The following CNTNAP2 variants were observed in gnomAD, a reference collection of about 807,000 sequenced individuals.
CNTNAP2 encodes the protein contactin-associated protein-like 2.
CNTNAP2 carries 98 observed loss-of-function variants against 155.2 expected under a neutral mutation model. The ratio of observed to expected loss-of-function variants is 0.63; its 90% CI spans 0.54 to 0.75. CNTNAP2 has a LOEUF of 0.75. Ranked by LOEUF, CNTNAP2 falls within the 30% of genes least tolerant of loss-of-function variation. CNTNAP2 has a pLI of 0.00. For synonymous variants in CNTNAP2, 651 were observed against 631.2 expected (o/e 1.03, Z -0.47); for missense variants, 1,727 against 1,688.1 (o/e 1.02, Z -0.40).
rs375492857 is a variant in CNTNAP2, at chr7:146,116,995, C to G, written c.97+22C>G. ...TCCCGTAAGTAGCCGTCTCCTCGCT[C>G]TGCTCTGGAGCAGTTTCAGTGCGGC... On this transcript the variant is annotated intron_variant, in intron 1 of 23. Transcript: ENST00000361727. The surrounding 1 kb of genome is among the most constrained non-coding windows in gnomAD (Gnocchi z 5.5). 4 of 1,544,528 alleles carry G rather than the reference C, an allele frequency of 2.6e-6. No homozygotes were observed. The highest frequency in any genetic ancestry group is 1.7e-4 in the Middle Eastern group (1 of 6,002).
At chr7:146,926,127 A>T (rs1467040696) in intron 3 of CNTNAP2, among the ~76,000 whole-genome samples, 1 of 152,170 alleles carries the variant, frequency 6.6e-6, no homozygotes, top group Admixed American at 6.6e-5. Flanking sequence ...TTGGATTACA[A>T]TTCTTTAGTT....
intron 13 of CNTNAP2, among the ~76,000 whole-genome samples, chr7:147,809,554 A>G (rs1260205811): frequency 6.6e-6 from 1 of 152,158 alleles, no homozygotes; most frequent in East Asian, 1.9e-4. Context: ...AGCCTTTACT[A>G]TGCATCTCCA....
intron 11 of CNTNAP2, among the ~76,000 whole-genome samples, chr7:147,515,035 C>A (rs1210582868): frequency 1.3e-5 from 2 of 152,104 alleles, no homozygotes; most frequent in Non-Finnish European, 2.9e-5. Flanking sequence ...GCTTCTACTG[C>A]CCTTCCCCTT....
At chr7:146,931,833 C>A (rs1376101765) in intron 3 of CNTNAP2, among the ~76,000 whole-genome samples, 1 of 152,092 alleles carries the variant, frequency 6.6e-6, no homozygotes, top group African/African-American at 2.4e-5. Flanking sequence ...ACTAGAAAAT[C>A]TAGAAGAAAT....
At chr7:146,546,313 G>C (rs543863974) in intron 1 of CNTNAP2, among the ~76,000 whole-genome samples, 2 of 151,928 alleles carry the variant, frequency 1.3e-5, no homozygotes, top group African/African-American at 4.8e-5. Flanking sequence ...GGATTATTGC[G>C]TGTGGCATTC....
intron 1 of CNTNAP2, among the ~76,000 whole-genome samples, chr7:146,455,201 G>T (rs1445189862): frequency 6.6e-6 from 1 of 152,108 alleles, no homozygotes; most frequent in Admixed American, 6.5e-5. Context: ...AATCAATCAT[G>T]GCAAATACCC....
rs146573052 is a variant in CNTNAP2, at chr7:148,215,853, G to C, written c.3011-1435G>C. Among the ~76,000 whole-genome samples the C allele has an allele frequency of 1.8e-4, 27 of 152,302 alleles. No homozygotes were observed. The East Asian group carries it at 5.2e-3, about 29-fold the overall frequency. On this transcript the variant is annotated intron_variant, in intron 18 of 23. Coordinates refer to ENST00000361727, the MANE Select transcript of CNTNAP2 (RefSeq NM_014141.6). ...CCCAGGCGTCGGACTTCGCTGCTCT[G>C]TGCCGACCTCTTTAACAAGAACAAA...
chr7:146,259,704 T>G (rs112041201), intron 1 of CNTNAP2, among the ~76,000 whole-genome samples: 6,309 of 152,174 alleles, frequency 0.041, 400 homozygotes, highest in African/African-American at 0.14. Flanking sequence ...TCATATGCAT[T>G]CACAAAGAGA....
chr7:146,816,856 T>C (rs377441248), intron 2 of CNTNAP2, among the ~76,000 whole-genome samples: 2 of 152,222 alleles, frequency 1.3e-5, no homozygotes, highest in African/African-American at 2.4e-5. Flanking sequence ...GTATAAAACA[T>C]GTGCAATAGC....
chr7:147,066,970 A>G (rs1223178094), intron 4 of CNTNAP2, among the ~76,000 whole-genome samples: 1 of 152,166 alleles, frequency 6.6e-6, no homozygotes, highest in Non-Finnish European at 1.5e-5. Context: ...TATAGCGAAG[A>G]GAACGAGCTA....
intron 1 of CNTNAP2, among the ~76,000 whole-genome samples, chr7:146,754,574 C>CTCTCTCTG (rs1322750272): frequency 2.0e-5 from 3 of 150,970 alleles, no homozygotes; most frequent in African/African-American, 7.3e-5. Context: ...CTCTCTCTCT[C>CTCTCTCTG]TCTCTTTTTA....
intron 13 of CNTNAP2, among the ~76,000 whole-genome samples, chr7:147,669,287 T>C (rs1336199237): frequency 1.3e-5 from 2 of 152,156 alleles, no homozygotes; most frequent in African/African-American, 4.8e-5. Flanking sequence ...CATAAAACTT[T>C]CAAAACAAAT....
At chr7:147,660,959 C>T (rs543057403) in intron 13 of CNTNAP2, among the ~76,000 whole-genome samples, 4 of 152,238 alleles carry the variant, frequency 2.6e-5, no homozygotes, top group African/African-American at 9.6e-5. Context: ...TCATGCCCCC[C>T]TATTGCACAC....
In CNTNAP2 at chr7:147,727,025, G is replaced by GTGTA. The variant is rs1554427078; in HGVS notation, c.2098+87720_2098+87721insGTAT. Among the ~76,000 whole-genome samples, 975 of 149,968 alleles carry GTGTA rather than the reference G, an allele frequency of 6.5e-3. 5 individuals are homozygous for GTGTA. The highest frequency in any genetic ancestry group is 0.023 in the African/African-American group (929 of 40,920). On this transcript the variant is annotated intron_variant, in intron 13 of 23. Transcript: ENST00000361727. ...TACATATGCGTATATGTATATGTGT[G>GTGTA]TATATATATATATATGTCCAACCTC...
chr7:147,088,054 AAC>A (rs1303929195), intron 4 of CNTNAP2, among the ~76,000 whole-genome samples: 12 of 152,200 alleles, frequency 7.9e-5, no homozygotes, highest in African/African-American at 2.9e-4. Flanking sequence ...AACTGTTTAA[AAC>A]ACAGTTTAGG....
intron 14 of CNTNAP2, among the ~76,000 whole-genome samples, chr7:147,949,609 C>A (rs1305443111): frequency 6.6e-6 from 1 of 152,006 alleles, no homozygotes; most frequent in Non-Finnish European, 1.5e-5. Context: ...TGAGCGAATT[C>A]AAAAGGAACC....
At chr7:148,321,239 G>A (rs1446733716) in intron 21 of CNTNAP2, among the ~76,000 whole-genome samples, 2 of 152,202 alleles carry the variant, frequency 1.3e-5, no homozygotes, top group African/African-American at 4.8e-5. Context: ...CAGTGAGGAA[G>A]GCAGGAGACT....
chr7:147,797,625 G>A (rs181542208), intron 13 of CNTNAP2, among the ~76,000 whole-genome samples: 13 of 152,142 alleles, frequency 8.5e-5, no homozygotes, highest in Non-Finnish European at 1.6e-4. Flanking sequence ...AGGACTCTTG[G>A]AGCTCTGGAT....
At chr7:147,145,429 C>G (rs1801683194) in intron 8 of CNTNAP2, among the ~76,000 whole-genome samples, 1 of 152,094 alleles carries the variant, frequency 6.6e-6, no homozygotes, top group Admixed American at 6.5e-5. Context: ...TACCTACCCA[C>G]CTGCACCTCC....
Sources: gnomAD v4.1 joint callset for allele counts (sites outside exome capture counted in the v4.1 genomes callset) on GRCh38, gnomAD v4.1.1 for gene constraint, Gnocchi (gnomAD v3.1) non-coding constraint, MANE v1.5 for transcripts, NCBI Gene and HGNC (gene_info 2026-07-23, HGNC 2026-07-21) for gene names.